Variants in ARG2 observed in about 807,000 individuals in gnomAD.
ARG2 encodes arginase 2.
Under a neutral mutation model 39.4 loss-of-function variants are expected in ARG2, and 21 were observed. That is an observed-to-expected ratio of 0.53 (90% CI 0.38 to 0.77). The LOEUF (loss-of-function observed/expected upper bound fraction) is 0.77. Ranked by LOEUF, ARG2 falls within the 30% of genes least tolerant of loss-of-function variation. The pLI, the probability that ARG2 is intolerant of heterozygous loss-of-function variation, is 0.00. For synonymous variants in ARG2, 150 were observed against 156.7 expected (o/e 0.96, Z 0.32); for missense variants, 378 against 426.2 (o/e 0.89, Z 1.00).
intron 2 of ARG2, among the ~76,000 whole-genome samples, chr14:67,622,491 AG>A (rs1434872297): frequency 6.6e-6 from 1 of 152,196 alleles, no homozygotes; most frequent in Non-Finnish European, 1.5e-5. Context: ...TTCTTTACTA[AG>A]GCCTCTCTTA....
chr14:67,647,235 CTT>C, intron 6 of ARG2: 1 of 456,734 alleles, frequency 2.2e-6, no homozygotes, highest in South Asian at 4.3e-5. Flanking sequence ...TTGCCTAGAT[CTT>C]CTGTCTCATG....
chr14:67,640,274 G>A (rs996069805), intron 2 of ARG2, among the ~76,000 whole-genome samples: 1 of 152,026 alleles, frequency 6.6e-6, no homozygotes, highest in South Asian at 2.1e-4. Flanking sequence ...CCTTTTATAT[G>A]ACTATTTCTT....
At chr14:67,650,023 C>G (rs1594831719) in intron 7 of ARG2, 1 of 152,294 alleles carries the variant, frequency 6.6e-6, no homozygotes, top group Admixed American at 6.5e-5. Context: ...CACAAGTTCT[C>G]AAACCTTAAC....
rs2037089721 is a variant in ARG2, at chr14:67,645,743, T to C, written c.463T>C (p.Ser155Pro). 4 of 1,614,048 alleles carry C rather than the reference T, an allele frequency of 2.5e-6. No homozygotes were observed. In the East Asian group the frequency reaches 8.9e-5, roughly 36 times the overall value. The change falls in exon 4 of 8, where the codon TCA becomes CCA. Residue 155 changes from serine (S) to proline (P), a missense_variant. Coordinates refer to ENST00000261783, the MANE Select transcript of ARG2 (RefSeq NM_001172.4). ...HADINTPLTT[S>P]SGNLHGQPVS... ...TGACATCAACACACCCCTTACCACT[T>C]CATCAGGAAATCTCCATGGACAGCC...
chr14:67,631,438 T>C (rs911858506), intron 2 of ARG2, among the ~76,000 whole-genome samples: 43 of 145,742 alleles, frequency 3.0e-4, no homozygotes, highest in African/African-American at 4.8e-4. Flanking sequence ...TTCTTTCTTT[T>C]TTTTTTTTTT....
rs529552902 is a variant in ARG2, at chr14:67,641,273, T to A, written c.185-913T>A. 2.6e-5 allele frequency among the ~76,000 whole-genome samples: 4 copies of A among 152,350 alleles called. No homozygotes were observed. In the South Asian group the frequency reaches 8.3e-4, roughly 32 times the overall value. ...TGTGTTTAGACTTGAGTTCCATCCC[T>A]AAGATATCTCAATATATATATAATG... On this transcript the variant is annotated intron_variant, in intron 2 of 7. Coordinates refer to ENST00000261783, the MANE Select transcript of ARG2 (RefSeq NM_001172.4).
At chr14:67,645,619 C>T in intron 3 of ARG2, 24 bp from the exon 4 acceptor site, 3 of 1,604,400 alleles carry the variant, frequency 1.9e-6, no homozygotes, top group Non-Finnish European at 2.6e-6. Context: ...AGAGGGCCTT[C>T]AAGATTATAC....
chr14:67,643,209 T>G lies in ARG2; in HGVS notation c.362+846T>G, dbSNP rs112663702. Among the ~76,000 whole-genome samples, 126 of 152,356 alleles carry G rather than the reference T, an allele frequency of 8.3e-4. 2 individuals are homozygous for G. Among genetic ancestry groups the G allele is most frequent in the African/African-American group, 2.7e-3 (114 of 41,580 alleles). On this transcript the variant is annotated intron_variant, in intron 3 of 7. Transcript: ENST00000261783. Reference sequence around the variant, plus strand: ...GCATGTACTTTATTGAGCACTGTTCTGATATTTTCTCAGCAGTGCTAGAGA... The same window carrying G: ...GCATGTACTTTATTGAGCACTGTTCGGATATTTTCTCAGCAGTGCTAGAGA...
intron 3 of ARG2, 83 bp from the exon 4 acceptor site, chr14:67,645,560 A>C (rs1040726231): frequency 3.6e-5 from 53 of 1,486,930 alleles, no homozygotes; most frequent in Admixed American, 5.7e-5. Flanking sequence ...TGGAGAGAGT[A>C]TAAGTTGTTT....
At chr14:67,621,013 C>G in intron 2 of ARG2, 47 bp downstream of exon 2, 1 of 1,557,160 alleles carries the variant, frequency 6.4e-7, no homozygotes. Context: ...AGTAATAGAC[C>G]ACTTCAGAGT....
intron 2 of ARG2, among the ~76,000 whole-genome samples, chr14:67,624,350 C>T (rs550483265): frequency 2.0e-5 from 3 of 152,262 alleles, no homozygotes; most frequent in Admixed American, 2.0e-4. Context: ...GGAATGAGAA[C>T]TGTATTAGTC....
intron 2 of ARG2, among the ~76,000 whole-genome samples, chr14:67,638,630 G>C (rs565172226): frequency 6.6e-6 from 1 of 152,178 alleles, no homozygotes; most frequent in African/African-American, 2.4e-5. Flanking sequence ...AGTTGAGTTC[G>C]TTCTTCCTGA....
rs770737569 is a variant in ARG2, at chr14:67,620,908, G to A, written c.126G>A (p.Val42=). The A allele has an allele frequency of 3.7e-6, 6 of 1,614,176 alleles. No homozygotes were observed. The highest frequency in any genetic ancestry group is 3.4e-6 in the Non-Finnish European group (4 of 1,180,010). ...PFSQGQKRKG[V]EHGPAAIREA... ...GTGACTGACAGAAAAGAAAAGGAGT[G>A]GAGCATGGTCCCGCTGCCATAAGAG... The change falls in exon 2 of 8, where the codon GTG becomes GTA. Residue 42 remains valine, a synonymous_variant. Coordinates refer to ENST00000261783, the MANE Select transcript of ARG2 (RefSeq NM_001172.4).
intron 2 of ARG2, among the ~76,000 whole-genome samples, chr14:67,630,619 G>A (rs1286708564): frequency 5.9e-5 from 9 of 152,140 alleles, no homozygotes; most frequent in African/African-American, 9.6e-5. Flanking sequence ...TCGCTCTGTC[G>A]CCCAGGCTGG....
At chr14:67,646,840 A>C in intron 5 of ARG2, 81 bp from the exon 6 acceptor site, 4 of 1,395,728 alleles carry the variant, frequency 2.9e-6, no homozygotes, top group African/African-American at 1.4e-5. Flanking sequence ...TCACTACAAC[A>C]AACCCACCCT....
In ARG2 at chr14:67,650,798, G is replaced by A. The variant is rs779826880; in HGVS notation, c.943G>A (p.Ala315Thr). 2.5e-6 allele frequency: 4 copies of A among 1,614,142 alleles called. No homozygotes were observed. The South Asian group carries it at 3.3e-5, about 13-fold the overall frequency. The change falls in exon 8 of 8, where the codon GCA becomes ACA. Residue 315 changes from alanine (A) to threonine (T), a missense_variant. Ala to Thr is a moderately conservative substitution (Grantham distance 58, BLOSUM62 0). Transcript: ENST00000261783. Reference protein sequence around the residue: ...EEEAKTTANLAVDVIASSFGQ... With the variant: ...EEEAKTTANLTVDVIASSFGQ... ...AGAGGCGAAGACTACAGCTAACCTG[G>A]CAGTAGATGTGATTGCTTCAAGCTT...
chr14:67,630,974 G>T (rs2036912793), intron 2 of ARG2, among the ~76,000 whole-genome samples: 1 of 152,110 alleles, frequency 6.6e-6, no homozygotes, highest in African/African-American at 2.4e-5. Flanking sequence ...ATGAATGTTG[G>T]GTAACTAACA....
intron 6 of ARG2, 44 bp from the exon 7 acceptor site, chr14:67,648,003 G>GTTAAGTATTATT (rs760313587): frequency 3.9e-6 from 6 of 1,532,370 alleles, no homozygotes; most frequent in Non-Finnish European, 5.3e-6. Context: ...AGGACAACCA[G>GTTAAGTATTATT]TTAAGTATTA....
At position 67,641,562 on chromosome 14, in the gene ARG2, T is replaced by C. The variant is rs142644019; in HGVS notation, c.185-624T>C. 6.9e-3 allele frequency among the ~76,000 whole-genome samples: 1,046 copies of C among 152,366 alleles called. 11 individuals are homozygous for C. The highest frequency in any genetic ancestry group is 0.024 in the African/African-American group (1,001 of 41,582). ...AATTTATGTTAAGCAGCTAGAACAA[T>C]GCCTGGGATCTTGTAAATAATCAAT... On this transcript the variant is annotated intron_variant, in intron 2 of 7. Coordinates refer to ENST00000261783, the MANE Select transcript of ARG2 (RefSeq NM_001172.4).
Sources: allele counts gnomAD v4.1 joint callset (sites outside exome capture counted in the v4.1 genomes callset), GRCh38; gene constraint gnomAD v4.1.1; transcripts MANE v1.5; gene names NCBI Gene and HGNC (gene_info 2026-07-23, HGNC 2026-07-21).